ORC4: variants seen among roughly 807,000 people sequenced by gnomAD.
ORC4 encodes the protein origin recognition complex, subunit 4 homolog.
A neutral mutation model predicts 63.9 loss-of-function variants in ORC4; 55 were observed. The ratio of observed to expected loss-of-function variants is 0.86; its 90% CI spans 0.69 to 1.08. The LOEUF (loss-of-function observed/expected upper bound fraction) is 1.08. Among genes scored for constraint, ORC4 ranks in the 50% least tolerant of loss-of-function variants. The pLI, the probability that ORC4 is intolerant of heterozygous loss-of-function variation, is 0.00. For synonymous variants in ORC4, 150 were observed against 168.5 expected (o/e 0.89, Z 0.85); for missense variants, 511 against 504.4 (o/e 1.01, Z -0.13).
At chr2:148,012,510 C>T (rs996117517) in intron 1 of ORC4, among the ~76,000 whole-genome samples, 4 of 152,154 alleles carry the variant, frequency 2.6e-5, no homozygotes, top group African/African-American at 9.6e-5. Context: ...GCAAAAACTC[C>T]AGGACATTGG....
chr2:147,958,456 T>C, intron 5 of ORC4, 73 bp from the exon 6 acceptor site: 1 of 1,112,480 alleles, frequency 9.0e-7, no homozygotes, highest in Non-Finnish European at 1.4e-6. Context: ...TGTTTTCCAG[T>C]TAAGTAAATC....
chr2:147,958,703 C>T (rs1216134956), intron 5 of ORC4, 88 bp downstream of exon 5: 28 of 719,266 alleles, frequency 3.9e-5, no homozygotes, highest in Non-Finnish European at 6.8e-5. Context: ...CAAAATCTAA[C>T]TATTAAAATG....
intron 1 of ORC4, among the ~76,000 whole-genome samples, chr2:148,004,606 T>G (rs1049522131): frequency 1.7e-4 from 26 of 152,116 alleles, no homozygotes; most frequent in African/African-American, 5.6e-4. Context: ...CCTTACACCT[T>G]ATACAAAAAT....
rs1306877331 is a variant in ORC4 at position 147,935,689 on chromosome 2, G to A, written c.1132C>T (p.His378Tyr). 6.2e-7 allele frequency: 1 copy of A among 1,611,984 alleles called. No individual in the cohort carries two copies. The highest frequency in any genetic ancestry group is 8.5e-7 in the Non-Finnish European group (1 of 1,179,398). ...TTTATTAATTCTAATTGCTGCAAGT[G>A]TTCAAAAGCCTGAAAGATGAAAGAA... ...EKPVVMKAFE[H>Y]LQQLELIKPM... Residue 378 changes from histidine (H) to tyrosine (Y), a missense_variant, in exon 14 of 14, where the codon CAC becomes TAC. By Grantham distance (83) the His-to-Tyr change is moderately conservative. Transcript: ENST00000392857.
At chr2:147,944,649 G>C (rs1230736474) in intron 9 of ORC4, among the ~76,000 whole-genome samples, 1 of 149,630 alleles carries the variant, frequency 6.7e-6, no homozygotes, top group Non-Finnish European at 1.5e-5. Context: ...GCCTGGAAAA[G>C]ATTGTCATAA....
At chr2:147,980,366 C>T (rs752677269) in intron 1 of ORC4, among the ~76,000 whole-genome samples, 2 of 151,908 alleles carry the variant, frequency 1.3e-5, no homozygotes, top group Non-Finnish European at 2.9e-5. Context: ...GTAGGTTATA[C>T]GCTAATACCA....
At chr2:147,991,935 A>G (rs1331229008) in intron 1 of ORC4, among the ~76,000 whole-genome samples, 1 of 152,242 alleles carries the variant, frequency 6.6e-6, no homozygotes, top group Admixed American at 6.5e-5. Flanking sequence ...TGATGAATGA[A>G]TAAAAAAGAA....
intron 1 of ORC4, among the ~76,000 whole-genome samples, chr2:147,977,241 A>G (rs2105360419): frequency 6.6e-6 from 1 of 152,298 alleles, no homozygotes; most frequent in South Asian, 2.1e-4. Flanking sequence ...CTTTTTTAAA[A>G]AAGTGTATTC....
At position 148,010,731 on chromosome 2, in the gene ORC4, T is replaced by C. The variant is rs936368891; in HGVS notation, c.-18+9902A>G. Among the ~76,000 whole-genome samples the C allele has an allele frequency of 5.3e-5, 8 of 152,222 alleles. No homozygotes were observed. In the South Asian group the frequency reaches 1.0e-3, roughly 20 times the overall value. ...CCCCATCACAGAAAAGGCCAGGACT[T>C]CATGGCTTCACTGAGTTCTACCAAA... On this transcript the variant is annotated intron_variant, in intron 1 of 13. Transcript: ENST00000392857.
At chr2:147,955,274 A>AT (rs1689186161) in intron 7 of ORC4, 73 bp downstream of exon 7, 2 of 1,020,376 alleles carry the variant, frequency 2.0e-6, no homozygotes, top group East Asian at 5.0e-5. Flanking sequence ...AAAAGCTTGT[A>AT]TTACCTTTAT....
intron 1 of ORC4, among the ~76,000 whole-genome samples, chr2:147,985,115 C>T (rs1450081627): frequency 1.3e-5 from 2 of 152,230 alleles, no homozygotes; most frequent in Non-Finnish European, 2.9e-5. Context: ...TTGTCTACCA[C>T]ACTGATTCTG....
chr2:147,989,406 A>T (rs541512001), intron 1 of ORC4, among the ~76,000 whole-genome samples: 43 of 152,174 alleles, frequency 2.8e-4, no homozygotes, highest in African/African-American at 1.0e-3. Context: ...TTAAAAATAT[A>T]AAAACATACC....
At chr2:148,011,221 A>C (rs1157569510) in intron 1 of ORC4, among the ~76,000 whole-genome samples, 1 of 152,166 alleles carries the variant, frequency 6.6e-6, no homozygotes, top group Non-Finnish European at 1.5e-5. Flanking sequence ...TAGATATAAA[A>C]ATCTTCAACA....
At chr2:147,995,633 G>C (rs1053805364) in intron 1 of ORC4, among the ~76,000 whole-genome samples, 2 of 152,042 alleles carry the variant, frequency 1.3e-5, no homozygotes, top group Non-Finnish European at 2.9e-5. Flanking sequence ...AAACCCACTG[G>C]GAGGAACAAA....
At chr2:148,011,037 C>T (rs1457440049) in intron 1 of ORC4, among the ~76,000 whole-genome samples, 1 of 151,886 alleles carries the variant, frequency 6.6e-6, no homozygotes, top group Non-Finnish European at 1.5e-5. Flanking sequence ...CCATGTCGGC[C>T]AGGCTGGTCT....
intron 4 of ORC4, among the ~76,000 whole-genome samples, chr2:147,961,265 C>A (rs1573794459): frequency 6.6e-6 from 1 of 151,844 alleles, no homozygotes; most frequent in African/African-American, 2.4e-5. Context: ...CATGGTGAAA[C>A]CCCATCTCTA....
At chr2:148,008,271 A>G (rs1344353259) in intron 1 of ORC4, among the ~76,000 whole-genome samples, 2 of 152,254 alleles carry the variant, frequency 1.3e-5, no homozygotes, top group African/African-American at 2.4e-5. Flanking sequence ...CTAACCGCTC[A>G]TATCTTTAGC....
chr2:147,972,959 T>G, intron 3 of ORC4, 130 bp from the exon 4 acceptor site: 3 of 645,614 alleles, frequency 4.6e-6, no homozygotes, highest in East Asian at 2.8e-5. Flanking sequence ...GTACTTGGCC[T>G]AGCTTCTGAA....
chr2:147,932,643 A>C lies in ORC4; in HGVS notation c.*2867T>G, dbSNP rs1687833525. The C allele has an allele frequency of 6.6e-6, 1 of 152,094 alleles. No individual in the cohort carries two copies. The highest frequency in any genetic ancestry group is 1.5e-5 in the Non-Finnish European group (1 of 68,020). The allele number at this position is 152,094 out of a possible 1,614,324, so 9.4% of individuals were successfully genotyped here. ...TGGCATTTCCCTCTATTATCGTCTA[A>C]ACAGATTATATTCCCACTAAAGTAT... On this transcript the variant is annotated 3_prime_UTR_variant, in exon 14 of 14. Transcript: ENST00000392857.
Sources: allele counts gnomAD v4.1 joint callset (sites outside exome capture counted in the v4.1 genomes callset), GRCh38; gene constraint gnomAD v4.1.1; transcripts MANE v1.5; gene names NCBI Gene and HGNC (gene_info 2026-07-23, HGNC 2026-07-21).